Variants in FNIP2 observed in about 807,000 individuals in gnomAD.
FNIP2 encodes folliculin-interacting protein 2.
In FNIP2, 32 loss-of-function variants were observed where a neutral mutation model predicts 108.7. The ratio of observed to expected loss-of-function variants is 0.29; its 90% confidence interval spans 0.22 to 0.40. The LOEUF (loss-of-function observed/expected upper bound fraction) is 0.40, where lower values mean the gene tolerates loss of function less well. FNIP2 is among the 10% of genes least tolerant of loss of function. The pLI, the probability that FNIP2 is intolerant of heterozygous loss-of-function variation, is 1.00. For missense variants in FNIP2, 1,202 were observed against 1,381.6 expected, an observed-to-expected ratio of 0.87 and a Z score of 2.06; for synonymous variants, 480 against 496.7, an observed-to-expected ratio of 0.97 and a Z score of 0.45.
Position 158,859,964 on chromosome 4 carries a change from C to A in FNIP2, c.1148+298C>A, listed in dbSNP as rs1363520191. Among the ~76,000 whole-genome samples, 3 of 152,208 alleles carry A rather than the reference C, an allele frequency of 2.0e-5. No homozygotes were observed. The East Asian group carries it at 5.8e-4, about 29-fold the overall frequency. ...TATTCATTATCTTATGTCAGCCTCA[C>A]AAAAGCCCTAAGCACTACTAACCCC... On this transcript the variant is annotated intron_variant, in intron 10 of 16. Transcript: ENST00000264433.
chr4:158,842,811 A>T (rs909072950), intron 7 of FNIP2, among the ~76,000 whole-genome samples: 4 of 152,102 alleles, frequency 2.6e-5, no homozygotes, highest in African/African-American at 9.7e-5. Context: ...CCTTTATAGG[A>T]ATTTTATTAA....
intron 7 of FNIP2, among the ~76,000 whole-genome samples, chr4:158,839,446 G>T (rs1027059908): frequency 6.6e-6 from 1 of 152,058 alleles, no homozygotes; most frequent in East Asian, 1.9e-4. Context: ...CATCACTGCA[G>T]CCTCGAACTC....
intron 1 of FNIP2, among the ~76,000 whole-genome samples, chr4:158,772,681 C>A (rs1043434465): frequency 6.6e-6 from 1 of 152,204 alleles, no homozygotes; most frequent in Admixed American, 6.5e-5. Context: ...CAAATTTAAT[C>A]TGTTATAGAG....
intron 14 of FNIP2, among the ~76,000 whole-genome samples, chr4:158,889,104 A>C (rs552271270): frequency 6.6e-5 from 10 of 152,150 alleles, no homozygotes; most frequent in African/African-American, 2.4e-4. Context: ...AGGCAGGAGG[A>C]TCACTTGAGC....
At chr4:158,809,892 C>A (rs557014017) in intron 1 of FNIP2, among the ~76,000 whole-genome samples, 37 of 152,168 alleles carry the variant, frequency 2.4e-4, no homozygotes, top group African/African-American at 8.9e-4. Context: ...TGAGATAATT[C>A]TATTAAAAAA....
At chr4:158,805,127 C>T (rs1263687361) in intron 1 of FNIP2, among the ~76,000 whole-genome samples, 1 of 152,166 alleles carries the variant, frequency 6.6e-6, no homozygotes, top group African/African-American at 2.4e-5. Flanking sequence ...ACCGCAATTA[C>T]TTTTGCACCA....
At chr4:158,881,380 T>A (rs1384613126) in intron 14 of FNIP2, among the ~76,000 whole-genome samples, 4 of 136,536 alleles carry the variant, frequency 2.9e-5, no homozygotes, top group African/African-American at 1.1e-4. Flanking sequence ...TTCCACGGTC[T>A]CCCTCTCCCT....
chr4:158,886,827 G>C (rs1560833227), intron 14 of FNIP2, among the ~76,000 whole-genome samples: 1 of 152,296 alleles, frequency 6.6e-6, no homozygotes, highest in East Asian at 1.9e-4. Context: ...ATTAATCTGA[G>C]ACAATAATGG....
At chr4:158,785,185 A>G (rs1333568151) in intron 1 of FNIP2, among the ~76,000 whole-genome samples, 2 of 147,808 alleles carry the variant, frequency 1.4e-5, no homozygotes, top group African/African-American at 2.5e-5. Flanking sequence ...CCTGGGTTCA[A>G]GAGATTCTCC....
intron 1 of FNIP2, among the ~76,000 whole-genome samples, chr4:158,815,551 T>C (rs1449888440): frequency 6.6e-6 from 1 of 152,024 alleles, no homozygotes; most frequent in Non-Finnish European, 1.5e-5. Context: ...CCCAGCTAAT[T>C]TGACGGGGTT....
chr4:158,786,886 C>G (rs138288837), intron 1 of FNIP2, among the ~76,000 whole-genome samples: 173 of 152,080 alleles, frequency 1.1e-3, no homozygotes, highest in African/African-American at 4.0e-3. Flanking sequence ...CTTTAACTGA[C>G]TAGGATGAAG....
intron 14 of FNIP2, among the ~76,000 whole-genome samples, chr4:158,873,353 G>GT (rs1560821793): frequency 6.6e-6 from 1 of 151,566 alleles, no homozygotes; most frequent in Admixed American, 6.6e-5. Context: ...AAATGTGGTG[G>GT]TTTTTTTTGT....
At chr4:158,822,669 T>A (rs1560777831) in intron 1 of FNIP2, among the ~76,000 whole-genome samples, 2 of 152,150 alleles carry the variant, frequency 1.3e-5, no homozygotes, top group Non-Finnish European at 2.9e-5. Context: ...AGCTAATTTT[T>A]AAAAAATTTT....
chr4:158,822,994 T>TA (rs1777967631), intron 1 of FNIP2, among the ~76,000 whole-genome samples: 1 of 152,226 alleles, frequency 6.6e-6, no homozygotes, highest in South Asian at 2.1e-4. Flanking sequence ...AAACATTTAA[T>TA]AAGGTGTTAT....
chr4:158,832,033 T>A, intron 4 of FNIP2, 34 bp from the exon 5 acceptor site: 1 of 1,607,730 alleles, frequency 6.2e-7, no homozygotes, highest in Non-Finnish European at 8.5e-7. Context: ...ACTCATAAAT[T>A]TATTTTTCCC....
At chr4:158,883,534 C>T (rs754821654) in intron 14 of FNIP2, among the ~76,000 whole-genome samples, 5 of 152,210 alleles carry the variant, frequency 3.3e-5, no homozygotes, top group Non-Finnish European at 7.3e-5. Flanking sequence ...AGCCATCGCG[C>T]CCAGCCTCCC....
chr4:158,824,915 C>G (rs1166380168), intron 1 of FNIP2, among the ~76,000 whole-genome samples: 1 of 152,176 alleles, frequency 6.6e-6, no homozygotes, highest in African/African-American at 2.4e-5. Context: ...TCCTTAGGGA[C>G]TTCTCTGTCC....
chr4:158,805,606 T>G (rs1776920205), intron 1 of FNIP2, among the ~76,000 whole-genome samples: 1 of 152,248 alleles, frequency 6.6e-6, no homozygotes, highest in South Asian at 2.1e-4. Context: ...CATTAAGTCC[T>G]ACATTTGGCT....
At chr4:158,855,859 A>T (rs1434845555) in intron 8 of FNIP2, among the ~76,000 whole-genome samples, 6 of 152,228 alleles carry the variant, frequency 3.9e-5, no homozygotes, top group Non-Finnish European at 8.8e-5. Context: ...ACCAAACACT[A>T]TGATTGCTTC....
Sources: gnomAD v4.1 joint callset for allele counts (sites outside exome capture counted in the v4.1 genomes callset) on GRCh38, gnomAD v4.1.1 for gene constraint, MANE v1.5 for transcripts, NCBI Gene and HGNC (gene_info 2026-07-23, HGNC 2026-07-21) for gene names.